ANKAR: variants seen among roughly 807,000 people sequenced by gnomAD.
ANKAR encodes the protein ankyrin and armadillo repeat-containing protein.
In ANKAR, 136 loss-of-function variants were observed where a neutral mutation model predicts 146.2. That is an observed-to-expected ratio of 0.93 (90% CI 0.81 to 1.07). The LOEUF (loss-of-function observed/expected upper bound fraction) is 1.07. ANKAR is among the 50% of genes least tolerant of loss of function. The pLI is 0.00. For missense variants in ANKAR, 1,567 were observed against 1,679.9 expected (o/e 0.93, Z 1.18); for synonymous variants, 500 against 575.8 (o/e 0.87, Z 1.88).
chr2:189,694,178 C>T (rs766073501), intron 5 of ANKAR, among the ~76,000 whole-genome samples: 13 of 152,018 alleles, frequency 8.6e-5, no homozygotes, highest in Admixed American at 2.0e-4. Flanking sequence ...TGAAGTGACC[C>T]GTGATTGCGC....
chr2:189,704,875 G>T (rs1188984277), intron 7 of ANKAR, 148 bp from the exon 8 acceptor site: 2 of 629,402 alleles, frequency 3.2e-6, no homozygotes, highest in East Asian at 5.6e-5. Context: ...AAGGAATATA[G>T]GGTTGTCTAA....
intron 12 of ANKAR, among the ~76,000 whole-genome samples, chr2:189,726,196 A>G (rs1479795581): frequency 6.6e-6 from 1 of 152,196 alleles, no homozygotes; most frequent in Non-Finnish European, 1.5e-5. Flanking sequence ...TTTGCTCCTT[A>G]TTAGTTGCAA....
At chr2:189,736,510 G>T (rs140903637) in intron 17 of ANKAR, among the ~76,000 whole-genome samples, 79,119 of 107,182 alleles carry the variant, frequency 0.74, 29,366 homozygotes, top group South Asian at 0.89. Context: ...TTTTGTGTGT[G>T]TGTGTGTGTG....
At position 189,743,391 on chromosome 2, in the gene ANKAR, T is replaced by C. The variant is rs1340417986; in HGVS notation, c.3927T>C (p.Asn1309=). Residue 1309 remains asparagine, a synonymous_variant, in exon 21 of 23, where the codon AAT becomes AAC. Coordinates refer to ENST00000684021, the MANE Select transcript of ANKAR (RefSeq NM_001378068.1). ...KPNQFIRIKN[N]ISRDASINPA... is the part of the protein sequence containing the mutation. ...ATCAGTTCATTCGTATAAAAAATAATATCAGCAGAGATGCAAGTATTAACC... is the reference window on the plus strand; with the variant it reads ...ATCAGTTCATTCGTATAAAAAATAACATCAGCAGAGATGCAAGTATTAACC... 2.5e-6 allele frequency: 4 copies of C among 1,613,954 alleles called. No individual in the cohort carries two copies. The highest frequency in any genetic ancestry group is 3.4e-6 in the Non-Finnish European group (4 of 1,179,924).
chr2:189,728,586 A>G, intron 14 of ANKAR, 74 bp from the exon 15 acceptor site: 1 of 1,536,350 alleles, frequency 6.5e-7, no homozygotes, highest in Non-Finnish European at 8.8e-7. Context: ...TACAAGTGTC[A>G]GCCACCGTGT....
chr2:189,692,950 G>A (rs1291602017), intron 4 of ANKAR, 124 bp from the exon 5 acceptor site: 15 of 491,718 alleles, frequency 3.1e-5, no homozygotes, highest in East Asian at 1.1e-4. Flanking sequence ...GCTGCTATCC[G>A]GGTCTTCTGG....
At chr2:189,752,088 G>A (rs182379823) in intron 18 of ANKAR, among the ~76,000 whole-genome samples, 178 of 151,824 alleles carry the variant, frequency 1.2e-3, no homozygotes, top group African/African-American at 3.3e-3. Context: ...AGGTTGCAGT[G>A]AGCCGAGAAT....
At chr2:189,716,791 C>T (rs1250059802) in intron 10 of ANKAR, among the ~76,000 whole-genome samples, 1 of 151,846 alleles carries the variant, frequency 6.6e-6, no homozygotes, top group Non-Finnish European at 1.5e-5. Context: ...CACCACACAT[C>T]TACAACCATC....
intron 7 of ANKAR, among the ~76,000 whole-genome samples, chr2:189,699,650 A>G (rs2037767612): frequency 6.6e-6 from 1 of 152,098 alleles, no homozygotes; most frequent in South Asian, 2.1e-4. Flanking sequence ...CCCTTTGTTG[A>G]TAATGTTATT....
At chr2:189,720,143 A>ATC (rs2041062729) in intron 11 of ANKAR, among the ~76,000 whole-genome samples, 3 of 152,342 alleles carry the variant, frequency 2.0e-5, no homozygotes, top group African/African-American at 7.2e-5. Flanking sequence ...TTAGATAGCT[A>ATC]TATTAACTGT....
intron 10 of ANKAR, 86 bp downstream of exon 10, chr2:189,711,239 AT>A: frequency 4.9e-6 from 5 of 1,020,964 alleles, no homozygotes; most frequent in Non-Finnish European, 6.9e-6. Flanking sequence ...TATATTTTTA[AT>A]TGTAAAGGAA....
intron 10 of ANKAR, among the ~76,000 whole-genome samples, chr2:189,718,541 C>T (rs576645557): frequency 6.6e-6 from 1 of 152,038 alleles, no homozygotes; most frequent in Admixed American, 6.6e-5. Context: ...TTCCTGAAAA[C>T]CTGTACAAAA....
In ANKAR at chr2:189,728,650, T is replaced by G. The variant is rs766948261; in HGVS notation, c.3032-10T>G. The G allele has an allele frequency of 6.2e-7, 1 of 1,612,476 alleles. No individual in the cohort carries two copies. The highest frequency in any genetic ancestry group is 8.5e-7 in the Non-Finnish European group (1 of 1,179,100). ...GAGTATCATACATGTATCTTGCTTTTCTTTATCAGGAGGTGAAGCTGTCAT... is the reference window on the plus strand; with the variant it reads ...GAGTATCATACATGTATCTTGCTTTGCTTTATCAGGAGGTGAAGCTGTCAT... On this transcript the variant is annotated splice_polypyrimidine_tract_variant and intron_variant, in intron 14 of 22. Transcript: ENST00000684021.
chr2:189,742,869 CA>C lies in ANKAR; in HGVS notation c.3811-405del, dbSNP rs1197390871. 6.2e-4 allele frequency among the ~76,000 whole-genome samples: 42 copies of C among 67,448 alleles called. 1 individual carries two copies. Among genetic ancestry groups the C allele is most frequent in the African/African-American group, 2.0e-3 (38 of 18,986 alleles). The allele number at this position is 67,448 out of a possible 152,430, so 44.2% of individuals were successfully genotyped here. ...ACACACACATTAGAATTACCTGACA[CA>C]CACACACACACACACACACACACTA... On this transcript the variant is annotated intron_variant, in intron 20 of 22. Transcript: ENST00000684021.
intron 2 of ANKAR, among the ~76,000 whole-genome samples, chr2:189,686,257 A>C (rs373369605): frequency 3.0e-4 from 46 of 152,360 alleles, no homozygotes; most frequent in African/African-American, 1.0e-3. Flanking sequence ...ATACATTGAC[A>C]TATCATTTAC....
At position 189,703,388 on chromosome 2, in the gene ANKAR, G is replaced by A. The variant is rs78058912; in HGVS notation, c.1709-1635G>A. Reference sequence around the variant, plus strand: ...TGGTGATGGGCTGGTTATGGAGAAGGAAATAAGAGGGAGGTGCCAAAGAGT... The same window carrying A: ...TGGTGATGGGCTGGTTATGGAGAAGAAAATAAGAGGGAGGTGCCAAAGAGT... On this transcript the variant is annotated intron_variant, in intron 7 of 22. Transcript: ENST00000684021. Among the ~76,000 whole-genome samples, 66 of 152,234 alleles carry A rather than the reference G, an allele frequency of 4.3e-4. No homozygotes were observed. In the East Asian group the frequency reaches 0.013, roughly 29 times the overall value.
At chr2:189,725,930 A>AAAAGT (rs1401506688) in intron 12 of ANKAR, among the ~76,000 whole-genome samples, 2 of 152,112 alleles carry the variant, frequency 1.3e-5, no homozygotes, top group African/African-American at 2.4e-5. Context: ...AAAAGAAAAG[A>AAAAGT]AAAGTAAAGG....
intron 9 of ANKAR, among the ~76,000 whole-genome samples, chr2:189,708,748 GA>G (rs974038640): frequency 6.6e-6 from 1 of 151,896 alleles, no homozygotes; most frequent in African/African-American, 2.4e-5. Flanking sequence ...ATCTGTCTAG[GA>G]AAAAAAATAG....
At chr2:189,718,349 T>C (rs1198365126) in intron 10 of ANKAR, among the ~76,000 whole-genome samples, 1 of 100,812 alleles carries the variant, frequency 9.9e-6, no homozygotes, top group Non-Finnish European at 2.0e-5. Flanking sequence ...TAGCTATCTA[T>C]CTACACACAG....
Sources: gnomAD v4.1 joint callset for allele counts (sites outside exome capture counted in the v4.1 genomes callset) on GRCh38, gnomAD v4.1.1 for gene constraint, MANE v1.5 for transcripts, NCBI Gene and HGNC (gene_info 2026-07-23, HGNC 2026-07-21) for gene names.